BAZ2B: variants seen among roughly 807,000 people sequenced by gnomAD.
BAZ2B encodes bromodomain adjacent to zinc finger domain protein 2B.
A neutral mutation model predicts 246.0 loss-of-function variants in BAZ2B; 91 were observed. The ratio of observed to expected loss-of-function variants is 0.37; its 90% confidence interval spans 0.31 to 0.44. The LOEUF is 0.44. Among genes scored for constraint, BAZ2B ranks in the 20% least tolerant of loss-of-function variants. The pLI, the probability that BAZ2B is intolerant of heterozygous loss-of-function variation, is 1.00. For synonymous variants in BAZ2B, 855 were observed against 860.0 expected, an observed-to-expected ratio of 0.99 and a Z score of 0.10; for missense variants, 2,332 against 2,533.7, an observed-to-expected ratio of 0.92 and a Z score of 1.71.
chr2:159,673,685 T>C, the BAZ2B span, among the ~76,000 whole-genome samples: 1 of 149,624 alleles, frequency 6.7e-6, no homozygotes, highest in Non-Finnish European at 1.5e-5. Context: ...AAAAAAAAAA[T>C]GAAGATATCT....
the BAZ2B span, chr2:159,689,900 A>G: frequency 1.1e-4 from 41 of 389,634 alleles, no homozygotes; most frequent in East Asian, 2.1e-3. Context: ...TATTTTAGTA[A>G]AGTCAACACA....
intron 13 of BAZ2B, among the ~76,000 whole-genome samples, chr2:159,415,843 A>G (rs2067618340): frequency 6.6e-6 from 1 of 152,230 alleles, no homozygotes; most frequent in South Asian, 2.1e-4. Context: ...TACATCTCAC[A>G]TTCTAAGTAT....
chr2:159,400,761 T>C lies in BAZ2B; in HGVS notation c.2833-97A>G, dbSNP rs536846410. 7.1e-5 allele frequency: 50 copies of C among 707,790 alleles called. 1 individual carries two copies. The South Asian group carries it at 7.6e-4, about 11-fold the overall frequency. 43.8% of individuals were successfully genotyped at this position (707,790 alleles called of 1,614,324 possible). Reference sequence around the variant, plus strand: ...AAATAATTAAAAATATAAGTACAGGTCAGGCGCAGTGGCTCACACCTGTAA... The same window carrying C: ...AAATAATTAAAAATATAAGTACAGGCCAGGCGCAGTGGCTCACACCTGTAA... On this transcript the variant is annotated intron_variant, in intron 16 of 36. Coordinates refer to ENST00000392783, the MANE Select transcript of BAZ2B (RefSeq NM_013450.4).
At chr2:159,465,966 C>G (rs1291902010) in intron 3 of BAZ2B, among the ~76,000 whole-genome samples, 2 of 151,760 alleles carry the variant, frequency 1.3e-5, no homozygotes, top group African/African-American at 4.8e-5. Context: ...ATGCCTACAA[C>G]ATTAACACAT....
the BAZ2B span, among the ~76,000 whole-genome samples, chr2:159,624,775 C>T: frequency 6.6e-6 from 1 of 152,132 alleles, no homozygotes; most frequent in South Asian, 2.1e-4. Context: ...GCCTCTTCTC[C>T]TCCAAAGGAT....
At chr2:159,331,951 G>C (rs1337745839) in intron 34 of BAZ2B, among the ~76,000 whole-genome samples, 1 of 152,178 alleles carries the variant, frequency 6.6e-6, no homozygotes, top group Non-Finnish European at 1.5e-5. Flanking sequence ...AGGATTGTTG[G>C]AGTTGAAGTG....
At chr2:159,592,193 A>C (rs1224176847) in intron 1 of BAZ2B, among the ~76,000 whole-genome samples, 2 of 152,262 alleles carry the variant, frequency 1.3e-5, no homozygotes, top group Non-Finnish European at 2.9e-5. Flanking sequence ...TTTCATATAG[A>C]TATACTGCAT....
chr2:159,446,256 C>G (rs1357752607), intron 6 of BAZ2B, among the ~76,000 whole-genome samples: 1 of 152,102 alleles, frequency 6.6e-6, no homozygotes, highest in African/African-American at 2.4e-5. Flanking sequence ...AGCTGAGAGG[C>G]AATAAATTGA....
intron 10 of BAZ2B, 63 bp downstream of exon 10, chr2:159,430,800 C>G: frequency 1.3e-6 from 2 of 1,545,148 alleles, no homozygotes; most frequent in Non-Finnish European, 1.7e-6. Flanking sequence ...ACACTCTTAT[C>G]AATAAAAATT....
At chr2:159,483,210 T>G (rs1160667706) in intron 2 of BAZ2B, among the ~76,000 whole-genome samples, 1 of 152,174 alleles carries the variant, frequency 6.6e-6, no homozygotes, top group African/African-American at 2.4e-5. Flanking sequence ...TGGTCATTTT[T>G]TTTTGAGAAC....
the BAZ2B span, among the ~76,000 whole-genome samples, chr2:159,642,324 G>T: frequency 6.9e-6 from 1 of 144,198 alleles, no homozygotes; most frequent in Non-Finnish European, 1.5e-5. Context: ...TGCAACCTCT[G>T]CCTCCTGGGT....
the BAZ2B span, among the ~76,000 whole-genome samples, chr2:159,653,491 G>A: frequency 2.6e-5 from 4 of 151,874 alleles, no homozygotes; most frequent in Admixed American, 2.6e-4. Flanking sequence ...GGAAAGAATC[G>A]TATAGTATAG....
the BAZ2B span, among the ~76,000 whole-genome samples, chr2:159,645,730 G>C: frequency 6.6e-6 from 1 of 152,124 alleles, no homozygotes; most frequent in Non-Finnish European, 1.5e-5. Flanking sequence ...GTACAAAAGA[G>C]AGAAATTTTA....
At chr2:159,548,462 G>C (rs754791117) in intron 2 of BAZ2B, among the ~76,000 whole-genome samples, 7 of 152,104 alleles carry the variant, frequency 4.6e-5, no homozygotes, top group Non-Finnish European at 8.8e-5. Flanking sequence ...CACTAGGAAA[G>C]ATATTTGACC....
At chr2:159,349,391 T>C in intron 28 of BAZ2B, 111 bp from the exon 29 acceptor site, 1 of 1,151,914 alleles carries the variant, frequency 8.7e-7, no homozygotes, top group Non-Finnish European at 1.2e-6. Flanking sequence ...CTTTCATTTA[T>C]TACAATTACA....
chr2:159,447,467 A>G (rs1003749241), intron 5 of BAZ2B, among the ~76,000 whole-genome samples: 3 of 152,200 alleles, frequency 2.0e-5, no homozygotes, highest in Non-Finnish European at 4.4e-5. Flanking sequence ...AAAGATAGTA[A>G]ATCATCTAAA....
intron 2 of BAZ2B, among the ~76,000 whole-genome samples, chr2:159,517,795 T>C (rs2083586412): frequency 6.6e-6 from 1 of 152,190 alleles, no homozygotes; most frequent in African/African-American, 2.4e-5. Context: ...TAATATGTCA[T>C]TTCAAGGAGT....
intron 2 of BAZ2B, among the ~76,000 whole-genome samples, chr2:159,513,843 C>T (rs1411442727): frequency 6.6e-6 from 1 of 152,084 alleles, no homozygotes; most frequent in African/African-American, 2.4e-5. Flanking sequence ...TCCTCAAAGT[C>T]CCCACTGAGG....
chr2:159,562,550 G>A (rs1183567456), intron 1 of BAZ2B, among the ~76,000 whole-genome samples: 2 of 152,170 alleles, frequency 1.3e-5, no homozygotes, highest in African/African-American at 2.4e-5. Context: ...AACTGCTATT[G>A]AAACATTCTT....
Sources: allele counts gnomAD v4.1 joint callset (sites outside exome capture counted in the v4.1 genomes callset), GRCh38; gene constraint gnomAD v4.1.1; transcripts MANE v1.5; gene names NCBI Gene and HGNC (gene_info 2026-07-23, HGNC 2026-07-21).